Variants in MTFR1 observed in about 807,000 individuals in gnomAD.
The protein encoded by MTFR1 is chondrocyte protein with a poly-proline region.
MTFR1 carries 28 observed loss-of-function variants against 38.8 expected under a neutral mutation model. The observed-to-expected ratio is 0.72, with a 90% CI of 0.53 to 0.99. MTFR1 has a LOEUF of 0.99. MTFR1 is among the 50% of genes least tolerant of loss of function. The pLI, the probability that MTFR1 is intolerant of heterozygous loss-of-function variation, is 0.00. For missense variants in MTFR1, 358 were observed against 395.5 expected (o/e 0.91, Z 0.81); for synonymous variants, 145 against 137.0 (o/e 1.06, Z -0.41).
chr8:65,713,062 T>C (rs899056927), downstream of MTFR1, among the ~76,000 whole-genome samples: 1 of 152,238 alleles, frequency 6.6e-6, no homozygotes. Context: ...AAAGACTTAT[T>C]GATGGGACCA....
At chr8:65,712,001 C>T (rs1055260568), downstream of MTFR1, among the ~76,000 whole-genome samples, 1 of 152,170 alleles carries the variant, frequency 6.6e-6, no homozygotes, top group Non-Finnish European at 1.5e-5. Context: ...CTCCATAACC[C>T]AATTGGAAAA....
At chr8:65,692,896 T>TC (rs1326254995) in intron 3 of MTFR1, among the ~76,000 whole-genome samples, 1 of 149,834 alleles carries the variant, frequency 6.7e-6, no homozygotes, top group African/African-American at 2.4e-5. Context: ...CTTGTTCTTT[T>TC]TTTTTTTTTT....
chr8:65,686,587 A>G (rs1217534535), intron 3 of MTFR1, among the ~76,000 whole-genome samples: 2 of 151,002 alleles, frequency 1.3e-5, no homozygotes, highest in African/African-American at 2.4e-5. Flanking sequence ...CTCAAAAAAA[A>G]AAAAAAAAAA....
chr8:65,726,781 C>T, intron 3 of MTFR1: 1 of 678,990 alleles, frequency 1.5e-6, no homozygotes, highest in Non-Finnish European at 2.6e-6. Context: ...TGTGGAACAC[C>T]TGAACATAAC....
At chr8:65,753,614 G>T (rs963143184) in intron 3 of MTFR1, among the ~76,000 whole-genome samples, 2 of 151,980 alleles carry the variant, frequency 1.3e-5, no homozygotes, top group African/African-American at 2.4e-5. Context: ...GTGTTCTGCT[G>T]TTGAGTACTC....
chr8:65,681,587 GGGTC>G (rs1804890009), intron 2 of MTFR1, among the ~76,000 whole-genome samples: 1 of 151,894 alleles, frequency 6.6e-6, no homozygotes, highest in South Asian at 2.1e-4. Context: ...CTTTAAAGAG[GGGTC>G]ATATACTTGG....
At chr8:65,708,849 TC>T in intron 7 of MTFR1, 126 bp from the exon 8 acceptor site, 1 of 801,146 alleles carries the variant, frequency 1.2e-6, no homozygotes, top group Non-Finnish European at 2.1e-6. Context: ...GTTTTAATAT[TC>T]CCAGTAGTTG....
rs759196699 is a variant in MTFR1 at position 65,709,002 on chromosome 8, A to G, written c.960A>G (p.Thr320=). Residue 320 remains threonine, a synonymous_variant, in exon 8 of 8, where the codon ACA becomes ACG. Transcript: ENST00000262146. ...TTGGGCCACACATGTTGAAGCCAAC[A>G]GGAAAAATGAAGGCTTTAATTGAAA... The part of the protein sequence containing the change: ...VLFGPHMLKP[T]GKMKALIENV... The G allele has an allele frequency of 1.3e-5, 21 of 1,614,048 alleles. No individual in the cohort carries two copies. In the South Asian group the frequency reaches 2.2e-4, roughly 17 times the overall value.
intron 1 of MTFR1, among the ~76,000 whole-genome samples, chr8:65,665,200 T>C (rs1207888919): frequency 2.0e-5 from 3 of 152,192 alleles, no homozygotes; most frequent in African/African-American, 7.2e-5. Context: ...CCCAAAGTGC[T>C]GGGATTACAG....
At chr8:65,696,450 A>G (rs999249597) in intron 4 of MTFR1, among the ~76,000 whole-genome samples, 12 of 152,166 alleles carry the variant, frequency 7.9e-5, no homozygotes, top group African/African-American at 2.7e-4. Context: ...CTATAGTACA[A>G]TATCACAGCA....
chr8:65,754,410 A>G (rs1011184519), intron 3 of MTFR1, among the ~76,000 whole-genome samples: 2 of 151,578 alleles, frequency 1.3e-5, no homozygotes, highest in African/African-American at 2.4e-5. Context: ...CTCCTTTCCC[A>G]TTCTTTTACT....
chr8:65,732,517 C>G (rs2128896175), intron 3 of MTFR1, among the ~76,000 whole-genome samples: 2 of 152,214 alleles, frequency 1.3e-5, no homozygotes, highest in South Asian at 4.1e-4. Context: ...AATCTTCAGG[C>G]ATCTATCTAA....
At chr8:65,740,237 C>A (rs1241506183) in intron 3 of MTFR1, among the ~76,000 whole-genome samples, 1 of 152,108 alleles carries the variant, frequency 6.6e-6, no homozygotes, top group African/African-American at 2.4e-5. Context: ...CAACACTGCC[C>A]AGCAATCATA....
At chr8:65,679,161 G>A (rs1016374354) in intron 2 of MTFR1, among the ~76,000 whole-genome samples, 2 of 152,120 alleles carry the variant, frequency 1.3e-5, no homozygotes, top group Admixed American at 6.6e-5. Flanking sequence ...TAATTGTCAC[G>A]TTGTAATGCA....
At chr8:65,741,246 T>C (rs1807418385) in intron 3 of MTFR1, among the ~76,000 whole-genome samples, 1 of 152,170 alleles carries the variant, frequency 6.6e-6, no homozygotes, top group Non-Finnish European at 1.5e-5. Flanking sequence ...TCACATAGAC[T>C]CATAAATTAC....
chr8:65,766,913 T>G (rs755608203), intron 3 of MTFR1, among the ~76,000 whole-genome samples: 13 of 151,668 alleles, frequency 8.6e-5, no homozygotes, highest in Non-Finnish European at 1.5e-4. Context: ...GGGATGAGAG[T>G]TGAGGAAGTT....
intron 1 of MTFR1, among the ~76,000 whole-genome samples, chr8:65,653,341 G>A (rs942529991): frequency 4.6e-5 from 7 of 151,810 alleles, no homozygotes; most frequent in African/African-American, 1.2e-4. Context: ...GTGAAACTCC[G>A]TCTCTACAAA....
chr8:65,656,428 A>G (rs907044188), intron 1 of MTFR1, among the ~76,000 whole-genome samples: 3 of 151,746 alleles, frequency 2.0e-5, no homozygotes, highest in East Asian at 1.9e-4. Context: ...CAAACTCCTG[A>G]GTTCAAGAGA....
chr8:65,773,057 A>G (rs1017537443), downstream of MTFR1, among the ~76,000 whole-genome samples: 3 of 152,170 alleles, frequency 2.0e-5, no homozygotes, highest in African/African-American at 7.2e-5. Context: ...TGCAGAGAAC[A>G]AGTTCAGGCT....
Sources: allele counts gnomAD v4.1 joint callset (sites outside exome capture counted in the v4.1 genomes callset), GRCh38; gene constraint gnomAD v4.1.1; transcripts MANE v1.5; gene names NCBI Gene and HGNC (gene_info 2026-07-23, HGNC 2026-07-21).